Variants in ACOXL observed in about 807,000 individuals in gnomAD.
ACOXL encodes the protein acyl-coenzyme A oxidase-like protein.
Under a neutral mutation model 71.9 loss-of-function variants are expected in ACOXL, and 70 were observed. The observed-to-expected ratio is 0.97, with a 90% CI of 0.80 to 1.19. ACOXL has a LOEUF of 1.19. Among genes scored for constraint, ACOXL ranks in the 50% most tolerant of loss-of-function variants. ACOXL has a pLI of 0.00. For synonymous variants in ACOXL, 253 were observed against 281.6 expected, an observed-to-expected ratio of 0.90 and a Z score of 1.02; for missense variants, 703 against 736.3, an observed-to-expected ratio of 0.95 and a Z score of 0.52.
rs764991197 is a variant in ACOXL at position 110,933,548 on chromosome 2, G to A, written c.965G>A (p.Arg322His). Residue 322 changes from arginine (R) to histidine (H), a missense_variant, in exon 12 of 18, where the codon CGC (arginine) becomes CAC (histidine). Coordinates refer to ENST00000439055, the MANE Select transcript of ACOXL (RefSeq NM_001142807.4). ...CAGGGAAAGGAGCTGGTCAACAGTC[G>A]CTCGCTGCAGGCTCTGGTGGCGGGG... ...VFQGKELVNS[R>H]SLQALVAGLK... The A allele has an allele frequency of 7.6e-5, 123 of 1,614,052 alleles. No individual in the cohort carries two copies. The highest frequency in any genetic ancestry group is 1.1e-4 in the East Asian group (5 of 44,888).
intron 10 of ACOXL, among the ~76,000 whole-genome samples, chr2:110,873,355 G>A (rs1695500453): frequency 6.6e-6 from 1 of 152,156 alleles, no homozygotes; most frequent in Non-Finnish European, 1.5e-5. Context: ...CCCCAGCTGG[G>A]GCCCAGTGTG....
At chr2:110,776,784 T>C (rs1176136800) in intron 2 of ACOXL, among the ~76,000 whole-genome samples, 3 of 151,982 alleles carry the variant, frequency 2.0e-5, no homozygotes, top group Non-Finnish European at 4.4e-5. Flanking sequence ...TTGGAGGGAC[T>C]GAGTGGAGCA....
At chr2:111,023,276 C>T (rs935029102) in intron 14 of ACOXL, among the ~76,000 whole-genome samples, 3 of 152,048 alleles carry the variant, frequency 2.0e-5, no homozygotes, top group Non-Finnish European at 4.4e-5. Context: ...ACTCTAAGGA[C>T]ATACAAATGG....
chr2:110,736,396 C>T (rs949633515), intron 1 of ACOXL, among the ~76,000 whole-genome samples: 1 of 152,166 alleles, frequency 6.6e-6, no homozygotes, highest in Non-Finnish European at 1.5e-5. Context: ...TCCCCTCTTC[C>T]CCCAGCCCCG....
chr2:111,049,303 A>G lies in ACOXL; in HGVS notation c.1440+15A>G. On this transcript the variant is annotated intron_variant, in intron 16 of 17. Coordinates refer to ENST00000439055, the MANE Select transcript of ACOXL (RefSeq NM_001142807.4). ...TGTTAATGAAGGTAGGTTATCAGAT[A>G]AAGAACTTATTTCCTAAAGGCTCAG... The G allele has an allele frequency of 6.3e-7, 1 of 1,590,182 alleles. No individual in the cohort carries two copies. Among genetic ancestry groups the G allele is most frequent in the Non-Finnish European group, 8.6e-7 (1 of 1,158,454 alleles).
At chr2:110,894,339 A>G (rs2058916026) in intron 10 of ACOXL, among the ~76,000 whole-genome samples, 1 of 151,648 alleles carries the variant, frequency 6.6e-6, no homozygotes, top group Non-Finnish European at 1.5e-5. Flanking sequence ...GACCAAAAAA[A>G]AAAAAAAGCC....
In ACOXL at chr2:111,117,753, G is replaced by A. The variant is rs760249015; in HGVS notation, c.1680G>A (p.Pro560=). The A allele has an allele frequency of 1.0e-4, 156 of 1,551,324 alleles. No individual in the cohort carries two copies. Among genetic ancestry groups the A allele is most frequent in the African/African-American group, 1.4e-5 (1 of 73,058 alleles). Residue 560 remains proline (P), a synonymous_variant, in exon 18 of 18, where the codon CCG becomes CCA. Coordinates refer to ENST00000439055, the MANE Select transcript of ACOXL (RefSeq NM_001142807.4). ...PRAAWAFYPA[P]LQPRPREEAR... The stretch of plus-strand genomic sequence containing the variant: ...CCGCGTGGGCTTTCTACCCTGCACC[G>A]CTGCAGCCGCGGCCACGGGAAGAGG...
intron 16 of ACOXL, among the ~76,000 whole-genome samples, chr2:111,071,891 A>G (rs2067359743): frequency 6.6e-6 from 1 of 152,196 alleles, no homozygotes; most frequent in Non-Finnish European, 1.5e-5. Context: ...GGGAACTCCA[A>G]GATACATGAG....
At chr2:110,943,532 G>A (rs1028201528) in intron 12 of ACOXL, among the ~76,000 whole-genome samples, 1 of 152,176 alleles carries the variant, frequency 6.6e-6, no homozygotes, top group African/African-American at 2.4e-5. Context: ...TCCCCAAGCA[G>A]GGTAAGTTCA....
At chr2:110,989,024 T>C (rs1460909351) in intron 13 of ACOXL, among the ~76,000 whole-genome samples, 1 of 152,182 alleles carries the variant, frequency 6.6e-6, no homozygotes, top group Non-Finnish European at 1.5e-5. Context: ...ATTCATTAAT[T>C]ATAGTCGAAC....
intron 9 of ACOXL, among the ~76,000 whole-genome samples, chr2:110,828,642 A>G (rs1040943005): frequency 6.6e-6 from 1 of 152,190 alleles, no homozygotes; most frequent in Non-Finnish European, 1.5e-5. Flanking sequence ...CTTCTCAACA[A>G]GCCTGTGAGT....
At chr2:110,922,289 A>G (rs1187094767) in intron 11 of ACOXL, among the ~76,000 whole-genome samples, 2 of 152,256 alleles carry the variant, frequency 1.3e-5, no homozygotes, top group Non-Finnish European at 2.9e-5. Flanking sequence ...AATAGAAAAC[A>G]GGCAACAGTG....
At chr2:110,834,336 G>C (rs759261525) in intron 9 of ACOXL, among the ~76,000 whole-genome samples, 13 of 152,192 alleles carry the variant, frequency 8.5e-5, no homozygotes, top group Non-Finnish European at 1.0e-4. Context: ...CAGCTTTCTA[G>C]GAAAACACCG....
In ACOXL at chr2:111,075,275, A is replaced by G. The variant is rs181647800; in HGVS notation, c.1441-17590A>G. On this transcript the variant is annotated intron_variant, in intron 16 of 17. Coordinates refer to ENST00000439055, the MANE Select transcript of ACOXL (RefSeq NM_001142807.4). ...ATGAATTACATTTTCTTAAACTTTA[A>G]TGAGATGATTCTTGTTATGTATTTC... Among the ~76,000 whole-genome samples the G allele has an allele frequency of 2.3e-3, 343 of 152,158 alleles. 2 individuals are homozygous for G. The highest frequency in any genetic ancestry group is 8.0e-3 in the African/African-American group (333 of 41,458).
At chr2:110,934,107 C>T (rs972715764) in intron 12 of ACOXL, among the ~76,000 whole-genome samples, 14 of 152,188 alleles carry the variant, frequency 9.2e-5, no homozygotes. Context: ...GTGAGAAGCA[C>T]AAGGTGTTAG....
At position 110,933,612 on chromosome 2, in the gene ACOXL, G is replaced by T; in HGVS notation, c.1029G>T (p.Leu343=). 1 of 1,613,076 alleles carries T rather than the reference G, an allele frequency of 6.2e-7. No individual in the cohort carries two copies. Among genetic ancestry groups the T allele is most frequent in the Admixed American group, 1.7e-5 (1 of 60,010 alleles). The part of the protein sequence containing the change: ...AYSTWENIRC[L]QDCRECTGGM... ...GCACCTGGGAGAACATCCGCTGCCT[G>T]CAGGACTGCCGCGAGTGCACTGGAG... is the stretch of plus-strand genomic sequence containing the variant. The change falls in exon 12 of 18, where the codon CTG becomes CTT. Residue 343 remains leucine, a synonymous_variant. Transcript: ENST00000439055.
intron 10 of ACOXL, among the ~76,000 whole-genome samples, chr2:110,902,140 G>A (rs1434818302): frequency 2.0e-5 from 3 of 152,134 alleles, no homozygotes; most frequent in African/African-American, 7.2e-5. Flanking sequence ...GATTGCTCAG[G>A]CCCAAAGGGC....
At chr2:111,114,320 G>A (rs1439287) in intron 17 of ACOXL, 63,762 of 152,256 alleles carry the variant, frequency 0.42, 13,875 homozygotes, top group Non-Finnish European at 0.48. Context: ...GTATTCTCAC[G>A]GTTATAGGAG....
intron 10 of ACOXL, among the ~76,000 whole-genome samples, chr2:110,889,821 C>A (rs1402368094): frequency 6.6e-6 from 1 of 152,112 alleles, no homozygotes; most frequent in East Asian, 1.9e-4. Context: ...GTTTTTATTT[C>A]TCTACCTTGT....
Sources: gnomAD v4.1 joint callset for allele counts (sites outside exome capture counted in the v4.1 genomes callset) on GRCh38, gnomAD v4.1.1 for gene constraint, MANE v1.5 for transcripts, NCBI Gene and HGNC (gene_info 2026-07-23, HGNC 2026-07-21) for gene names.